ESRRB: variants seen among roughly 807,000 people sequenced by gnomAD.
ESRRB encodes the protein estrogen related receptor beta.
In ESRRB, 16 loss-of-function variants were observed where a neutral mutation model predicts 46.0. The observed-to-expected ratio is 0.35, with a 90% CI of 0.24 to 0.53. The LOEUF (loss-of-function observed/expected upper bound fraction) is 0.53. ESRRB is among the 20% of genes least tolerant of loss of function. The pLI is 0.93. For synonymous variants in ESRRB, 246 were observed against 259.6 expected (o/e 0.95, Z 0.50); for missense variants, 488 against 607.4 (o/e 0.80, Z 2.07).
chr14:76,447,420 C>T lies in ESRRB; in HGVS notation c.460+7670C>T, dbSNP rs139238112. Among the ~76,000 whole-genome samples the T allele has an allele frequency of 1.4e-3, 209 of 152,190 alleles. 4 individuals are homozygous for T. The Middle Eastern group carries it at 0.024, about 17-fold the overall frequency. On this transcript the variant is annotated intron_variant, in intron 2 of 6. Coordinates refer to ENST00000644823, the MANE Select transcript of ESRRB (RefSeq NM_001379180.1). ...CTCTCAGTTCTTGACCCAGCTTCTGCGCCCAGCATCTTCCTTCTCATATCC... is the reference window on the plus strand; with the variant it reads ...CTCTCAGTTCTTGACCCAGCTTCTGTGCCCAGCATCTTCCTTCTCATATCC...
At chr14:76,444,803 T>C (rs994562356) in intron 2 of ESRRB, among the ~76,000 whole-genome samples, 1 of 152,064 alleles carries the variant, frequency 6.6e-6, no homozygotes, top group Non-Finnish European at 1.5e-5. Flanking sequence ...TTAAGTTCTA[T>C]TGTGTGGACA....
chr14:76,349,414 C>T (rs550736626), intron 1 of ESRRB, among the ~76,000 whole-genome samples: 1 of 152,330 alleles, frequency 6.6e-6, no homozygotes, highest in East Asian at 1.9e-4. Flanking sequence ...CCTGCAACAT[C>T]TCTGTGTCCA....
At chr14:76,359,458 C>T (rs1327172665) in intron 1 of ESRRB, among the ~76,000 whole-genome samples, 1 of 152,220 alleles carries the variant, frequency 6.6e-6, no homozygotes, top group South Asian at 2.1e-4. Context: ...GAACTTTTAT[C>T]TGCCTTGTCT....
At chr14:76,411,524 A>C (rs1157287201) in intron 1 of ESRRB, among the ~76,000 whole-genome samples, 1 of 151,640 alleles carries the variant, frequency 6.6e-6, no homozygotes, top group Non-Finnish European at 1.5e-5. Flanking sequence ...CCTTTATGAG[A>C]GTGAGGGGTG....
At chr14:76,314,364 GC>G (rs752331092) in intron 1 of ESRRB, among the ~76,000 whole-genome samples, 5 of 152,144 alleles carry the variant, frequency 3.3e-5, no homozygotes, top group African/African-American at 4.8e-5. Flanking sequence ...GCCTGGAGGG[GC>G]TGTGTGCCTT....
At chr14:76,420,117 C>T (rs557167957) in intron 1 of ESRRB, among the ~76,000 whole-genome samples, 27 of 152,280 alleles carry the variant, frequency 1.8e-4, no homozygotes, top group African/African-American at 6.5e-4. Context: ...ATTTTTAACC[C>T]TTGAGTTACC....
rs533299023 is a variant in ESRRB, at chr14:76,334,724, G to A, written c.2+23808G>A. ...AGTTTGTAGCTGTGGCCCAGCCTCT[G>A]ACCCTCCTGTGCTGTACAAGCCATT... On this transcript the variant is annotated intron_variant, in intron 1 of 6. Coordinates refer to the ESRRB transcript ENST00000512784. 3.2e-4 allele frequency among the ~76,000 whole-genome samples: 49 copies of A among 152,290 alleles called. No individual in the cohort carries two copies. In the South Asian group the frequency reaches 9.9e-3, roughly 31 times the overall value.
chr14:76,344,577 G>A (rs548611490), intron 1 of ESRRB, among the ~76,000 whole-genome samples: 146 of 152,312 alleles, frequency 9.6e-4, no homozygotes, highest in African/African-American at 3.2e-3. Flanking sequence ...CAGGCTGGGC[G>A]TGGTGGCTCA....
At chr14:76,368,436 T>C (rs369081030), upstream of ESRRB, among the ~76,000 whole-genome samples, 133 of 152,280 alleles carry the variant, frequency 8.7e-4, no homozygotes, top group African/African-American at 3.0e-3. Flanking sequence ...GATGCCCATG[T>C]TTAATGTGCT....
chr14:76,480,591 A>G (rs1457274016), intron 3 of ESRRB, among the ~76,000 whole-genome samples: 2 of 152,224 alleles, frequency 1.3e-5, no homozygotes, highest in Admixed American at 1.3e-4. Context: ...GCTCTAAATC[A>G]TCATTCCATT....
intron 2 of ESRRB, among the ~76,000 whole-genome samples, chr14:76,449,139 T>A (rs1280679834): frequency 1.3e-5 from 2 of 152,174 alleles, no homozygotes; most frequent in African/African-American, 2.4e-5. Flanking sequence ...AGGGGAGTTC[T>A]TTTTTTATTT....
chr14:76,396,318 G>C (rs1885680353), intron 1 of ESRRB, among the ~76,000 whole-genome samples: 1 of 152,136 alleles, frequency 6.6e-6, no homozygotes, highest in Non-Finnish European at 1.5e-5. Flanking sequence ...AAAATCACAT[G>C]TATGGCTTTT....
At chr14:76,359,492 A>G (rs1884437492) in intron 1 of ESRRB, among the ~76,000 whole-genome samples, 2 of 152,200 alleles carry the variant, frequency 1.3e-5, no homozygotes, top group African/African-American at 4.8e-5. Flanking sequence ...GAAGCACCCT[A>G]TTAGGTCAGT....
intron 1 of ESRRB, among the ~76,000 whole-genome samples, chr14:76,356,162 A>T (rs1261826021): frequency 1.3e-5 from 2 of 152,194 alleles, no homozygotes; most frequent in Non-Finnish European, 2.9e-5. Context: ...AGAGTCAGAG[A>T]AGGGGCTAGG....
intron 1 of ESRRB, among the ~76,000 whole-genome samples, chr14:76,324,874 G>T (rs1883909278): frequency 6.6e-6 from 1 of 152,038 alleles, no homozygotes; most frequent in Non-Finnish European, 1.5e-5. Flanking sequence ...GAAGTCTTTT[G>T]GCCTTTGATT....
intron 6 of ESRRB, among the ~76,000 whole-genome samples, chr14:76,493,061 A>C (rs967874782): frequency 6.6e-6 from 1 of 152,214 alleles, no homozygotes; most frequent in Non-Finnish European, 1.5e-5. Context: ...TTCAAATTCT[A>C]TCTCTGACAC....
intron 1 of ESRRB, among the ~76,000 whole-genome samples, chr14:76,412,893 A>G (rs754155109): frequency 1.3e-5 from 2 of 152,172 alleles, no homozygotes; most frequent in Non-Finnish European, 2.9e-5. Flanking sequence ...GGGCAGGAGG[A>G]TCACTTGAAC....
At chr14:76,359,479 G>A (rs139744815) in intron 1 of ESRRB, among the ~76,000 whole-genome samples, 7 of 152,254 alleles carry the variant, frequency 4.6e-5, no homozygotes, top group African/African-American at 9.6e-5. Flanking sequence ...CATTTCATTC[G>A]CAGAAGCACC....
intron 1 of ESRRB, among the ~76,000 whole-genome samples, chr14:76,392,002 C>CT (rs1161733862): frequency 6.6e-6 from 1 of 152,218 alleles, no homozygotes; most frequent in Non-Finnish European, 1.5e-5. Flanking sequence ...CTGAAGAACT[C>CT]TGTGTTTCTT....
Sources: allele counts gnomAD v4.1 joint callset (sites outside exome capture counted in the v4.1 genomes callset), GRCh38; gene constraint gnomAD v4.1.1; transcripts MANE v1.5; gene names NCBI Gene and HGNC (gene_info 2026-07-23, HGNC 2026-07-21).